Variants in OSMR observed in about 807,000 individuals in gnomAD.
The protein encoded by OSMR is oncostatin-M-specific receptor subunit beta.
OSMR carries 81 observed loss-of-function variants against 99.9 expected under a neutral mutation model. The ratio of observed to expected loss-of-function variants is 0.81; its 90% CI spans 0.68 to 0.97. The LOEUF (loss-of-function observed/expected upper bound fraction) is 0.97. OSMR is among the 50% of genes least tolerant of loss of function. The pLI, the probability that OSMR is intolerant of heterozygous loss-of-function variation, is 0.00. For missense variants in OSMR, 1,099 were observed against 1,153.4 expected (o/e 0.95, Z 0.68); for synonymous variants, 406 against 410.4 (o/e 0.99, Z 0.13).
intron 4 of OSMR, 130 bp downstream of exon 4, chr5:38,881,894 A>G (rs1743318705): frequency 5.1e-6 from 4 of 788,728 alleles, no homozygotes; most frequent in South Asian, 1.7e-5. Context: ...TTTGGCTCCT[A>G]TGGGAACTAA....
intron 9 of OSMR, among the ~76,000 whole-genome samples, chr5:38,908,606 T>C (rs535166489): frequency 1.3e-5 from 2 of 152,294 alleles, no homozygotes; most frequent in South Asian, 4.1e-4. Flanking sequence ...GGGGGCCTGA[T>C]ACCAGTCCTG....
chr5:38,945,250 T>C (rs1283257923), downstream of OSMR: 6 of 617,344 alleles, frequency 9.7e-6, no homozygotes, highest in South Asian at 6.4e-5. Flanking sequence ...GCAAAGGGCC[T>C]GGACAGGGCT....
intron 3 of OSMR, among the ~76,000 whole-genome samples, chr5:38,879,791 T>G (rs1320069182): frequency 6.6e-6 from 1 of 152,120 alleles, no homozygotes; most frequent in African/African-American, 2.4e-5. Flanking sequence ...ATCCGGCTAA[T>G]TTTTGTATTT....
chr5:38,883,407 T>C (rs1743451985), intron 4 of OSMR, among the ~76,000 whole-genome samples: 1 of 152,282 alleles, frequency 6.6e-6, no homozygotes, highest in Non-Finnish European at 1.5e-5. Context: ...GCTTTGCCAC[T>C]TTCTAACTGA....
In OSMR at chr5:38,906,690, TTAAAGTA is replaced by T. The variant is rs1435998086; in HGVS notation, c.1285+2194_1285+2200del. Reference sequence around the variant, plus strand: ...TTAAAAATATATGGCCACCTTTAACTTAAAGTATAAAGTGTTGAGTCAGCAACTAAAA... The same window carrying T: ...TTAAAAATATATGGCCACCTTTAACTTAAAGTGTTGAGTCAGCAACTAAAA... On this transcript the variant is annotated intron_variant, in intron 9 of 17. Transcript: ENST00000274276. Among the ~76,000 whole-genome samples, 7 of 152,276 alleles carry T rather than the reference TTAAAGTA, an allele frequency of 4.6e-5. No individual in the cohort carries two copies. In the East Asian group the frequency reaches 9.6e-4, roughly 21 times the overall value.
intron 5 of OSMR, 147 bp downstream of exon 5, chr5:38,884,258 G>A (rs1345825654): frequency 1.6e-5 from 12 of 755,054 alleles, no homozygotes; most frequent in African/African-American, 7.0e-5. Context: ...CTCTGAAGTC[G>A]ATGTCCTTTA....
chr5:38,910,950 C>T (rs528380456), intron 9 of OSMR, among the ~76,000 whole-genome samples: 29 of 152,096 alleles, frequency 1.9e-4, no homozygotes, highest in African/African-American at 4.8e-4. Flanking sequence ...GTGGAGGTTG[C>T]GGTGAGCTGA....
chr5:38,904,862 A>G (rs958915711), intron 9 of OSMR, among the ~76,000 whole-genome samples: 3 of 152,212 alleles, frequency 2.0e-5, no homozygotes, highest in African/African-American at 7.2e-5. Flanking sequence ...CATTGGTCTC[A>G]TCCTAAACAA....
chr5:38,849,247 C>G (rs77113635), intron 1 of OSMR, among the ~76,000 whole-genome samples: 1 of 152,166 alleles, frequency 6.6e-6, no homozygotes, highest in South Asian at 2.1e-4. Context: ...ATTCCTGTGT[C>G]AAAGGGTTTG....
intron 9 of OSMR, among the ~76,000 whole-genome samples, chr5:38,908,383 T>C (rs1745377052): frequency 6.6e-6 from 1 of 152,070 alleles, no homozygotes; most frequent in Non-Finnish European, 1.5e-5. Flanking sequence ...AGCCCTACTC[T>C]CAGAGGTACC....
intron 1 of OSMR, among the ~76,000 whole-genome samples, chr5:38,861,750 A>AC (rs1297394050): frequency 1.2e-4 from 18 of 146,132 alleles, no homozygotes; most frequent in African/African-American, 3.1e-4. Context: ...CAGGGGACTG[A>AC]CCCCCCCACC....
intron 6 of OSMR, 98 bp downstream of exon 6, chr5:38,885,582 T>G (rs1430995028): frequency 6.7e-7 from 1 of 1,493,954 alleles, no homozygotes; most frequent in Non-Finnish European, 9.3e-7. Flanking sequence ...GCAGGAAATT[T>G]GAACAAATAT....
At position 38,907,635 on chromosome 5, in the gene OSMR, G is replaced by A. The variant is rs1270277109; in HGVS notation, c.1285+3132G>A. Among the ~76,000 whole-genome samples the A allele has an allele frequency of 2.0e-5, 3 of 152,180 alleles. No individual in the cohort carries two copies. The East Asian group carries it at 5.8e-4, about 29-fold the overall frequency. The stretch of plus-strand genomic sequence containing the variant: ...ACTAGCTGGAGTTGCAGCCTCAGAT[G>A]CCCAACTATGGTGCTTCCTAGGGGA... On this transcript the variant is annotated intron_variant, in intron 9 of 17. Coordinates refer to ENST00000274276, the MANE Select transcript of OSMR (RefSeq NM_003999.3).
At position 38,932,924 on chromosome 5, in the gene OSMR, T is replaced by C. The variant is rs375673847; in HGVS notation, c.2420T>C (p.Ile807Thr). The C allele has an allele frequency of 1.0e-4, 163 of 1,614,162 alleles. No individual in the cohort carries two copies. Among genetic ancestry groups the C allele is most frequent in the South Asian group, 1.3e-4 (12 of 91,082 alleles). Residue 807 changes from isoleucine to threonine, a missense_variant, in exon 18 of 18, where the codon ATT becomes ACT. Ile to Thr is a moderately conservative substitution (Grantham distance 89, BLOSUM62 -1). Transcript: ENST00000274276. ...MNVSDCIPDA[I>T]EVVSKPEGTK... Reference sequence around the variant, plus strand: ...GTCAGTGACTGTATCCCAGATGCTATTGAAGTTGTAAGCAAGCCAGAAGGG... The same window carrying C: ...GTCAGTGACTGTATCCCAGATGCTACTGAAGTTGTAAGCAAGCCAGAAGGG...
At chr5:38,855,212 G>A (rs1343819015) in intron 1 of OSMR, among the ~76,000 whole-genome samples, 1 of 152,162 alleles carries the variant, frequency 6.6e-6, no homozygotes, top group Non-Finnish European at 1.5e-5. Flanking sequence ...AGGGTGTGGA[G>A]CAGCCCAGAG....
intron 1 of OSMR, among the ~76,000 whole-genome samples, chr5:38,852,978 G>T (rs997306182): frequency 4.6e-5 from 7 of 151,820 alleles, no homozygotes; most frequent in African/African-American, 1.7e-4. Flanking sequence ...TGATCCGCCC[G>T]CCTCGGCCTC....
chr5:38,907,806 A>C (rs929555689), intron 9 of OSMR, among the ~76,000 whole-genome samples: 1 of 152,156 alleles, frequency 6.6e-6, no homozygotes, highest in Non-Finnish European at 1.5e-5. Flanking sequence ...GCACTTGTCC[A>C]TGGTCACCCC....
Position 38,933,236 on chromosome 5 carries a change from G to C in OSMR, c.2732G>C (p.Gly911Ala). The stretch of plus-strand genomic sequence containing the variant: ...AACTCCCTGGGAGAAATCCCAGCTG[G>C]AGAAACAAGTTTGAATTATGTGTCC... ...YMNSLGEIPA[G>A]ETSLNYVSQL... The change falls in exon 18 of 18, where the codon GGA becomes GCA. Residue 911 changes from glycine (G) to alanine (A), a missense_variant. Physicochemically the swap from Gly to Ala is moderately conservative, Grantham distance 60. Coordinates refer to ENST00000274276, the MANE Select transcript of OSMR (RefSeq NM_003999.3). 4.3e-6 allele frequency: 7 copies of C among 1,614,092 alleles called. No individual in the cohort carries two copies. Among genetic ancestry groups the C allele is most frequent in the Non-Finnish European group, 5.9e-6 (7 of 1,179,996 alleles).
At chr5:38,926,421 G>A (rs1041962173) in intron 15 of OSMR, among the ~76,000 whole-genome samples, 2 of 152,238 alleles carry the variant, frequency 1.3e-5, no homozygotes, top group Admixed American at 6.5e-5. Flanking sequence ...TTGACTCACA[G>A]TTCCACATGG....
Sources: gnomAD v4.1 joint callset for allele counts (sites outside exome capture counted in the v4.1 genomes callset) on GRCh38, gnomAD v4.1.1 for gene constraint, MANE v1.5 for transcripts, NCBI Gene and HGNC (gene_info 2026-07-23, HGNC 2026-07-21) for gene names.